The following ASIC2 variants were observed in gnomAD, a reference collection of about 807,000 sequenced individuals.
ASIC2 encodes the protein acid-sensing ion channel 2.
Under a neutral mutation model 57.3 loss-of-function variants are expected in ASIC2, and 25 were observed. That is an observed-to-expected ratio of 0.44 (90% confidence interval 0.32 to 0.61). The LOEUF is 0.61. Among genes scored for constraint, ASIC2 ranks in the 20% least tolerant of loss-of-function variants. The pLI is 0.06. For synonymous variants in ASIC2, 319 were observed against 307.5 expected (o/e 1.04, Z -0.39); for missense variants, 641 against 738.1 (o/e 0.87, Z 1.52).
intron 1 of ASIC2, among the ~76,000 whole-genome samples, chr17:33,144,859 T>C (rs1008534884): frequency 6.6e-6 from 1 of 152,146 alleles, no homozygotes; most frequent in Non-Finnish European, 1.5e-5. Context: ...GAAGATACTA[T>C]GGAAATCAGA....
intron 1 of ASIC2, among the ~76,000 whole-genome samples, chr17:34,064,359 C>G (rs780497181): frequency 3.3e-5 from 5 of 152,210 alleles, no homozygotes; most frequent in Non-Finnish European, 7.3e-5. Context: ...CATCTCTCAC[C>G]TTATACAAAA....
intron 1 of ASIC2, among the ~76,000 whole-genome samples, chr17:34,006,983 G>A (rs1476209713): frequency 6.6e-6 from 1 of 152,210 alleles, no homozygotes; most frequent in Non-Finnish European, 1.5e-5. Context: ...AGATGAACAA[G>A]CTGCCTAGAG....
At chr17:33,474,843 G>A (rs1201413119) in intron 1 of ASIC2, among the ~76,000 whole-genome samples, 2 of 152,186 alleles carry the variant, frequency 1.3e-5, no homozygotes, top group African/African-American at 4.8e-5. Context: ...ATGGTTGCGT[G>A]TGACCTTAGA....
At chr17:33,133,597 T>C (rs1190135633) in intron 1 of ASIC2, among the ~76,000 whole-genome samples, 1 of 152,186 alleles carries the variant, frequency 6.6e-6, no homozygotes, top group Non-Finnish European at 1.5e-5. Flanking sequence ...AAGGATTCGA[T>C]CTTAGATCTG....
chr17:34,037,507 C>T, intron 1 of ASIC2: 1 of 1,207,854 alleles, frequency 8.3e-7, no homozygotes. Flanking sequence ...AAAATAGAAG[C>T]ACCTGGTACA....
chr17:33,759,878 G>A (rs1406670693), intron 1 of ASIC2, among the ~76,000 whole-genome samples: 1 of 152,166 alleles, frequency 6.6e-6, no homozygotes. Flanking sequence ...AAAGCCTGGT[G>A]ACCCAGGCAG....
At chr17:33,088,567 A>AG (rs2092144664) in intron 3 of ASIC2, among the ~76,000 whole-genome samples, 1 of 152,064 alleles carries the variant, frequency 6.6e-6, no homozygotes, top group African/African-American at 2.4e-5. Context: ...CTGGCCAAAA[A>AG]AAAAAAATTT....
intron 1 of ASIC2, among the ~76,000 whole-genome samples, chr17:33,458,007 A>T (rs556633647): frequency 6.6e-6 from 1 of 152,248 alleles, no homozygotes; most frequent in South Asian, 2.1e-4. Flanking sequence ...AGAGGAACAA[A>T]GTGCTGTGGG....
chr17:33,474,638 C>T (rs1286604983), intron 1 of ASIC2, among the ~76,000 whole-genome samples: 1 of 152,154 alleles, frequency 6.6e-6, no homozygotes, highest in Non-Finnish European at 1.5e-5. Flanking sequence ...GGGAGCCTGA[C>T]TTTGCCCTTT....
At chr17:33,516,462 C>A (rs1421483923) in intron 1 of ASIC2, among the ~76,000 whole-genome samples, 1 of 151,476 alleles carries the variant, frequency 6.6e-6, no homozygotes, top group Admixed American at 6.6e-5. Context: ...GTTGTTGCTC[C>A]TTCAGTTACA....
chr17:33,837,639 G>A (rs1019095981), intron 1 of ASIC2, among the ~76,000 whole-genome samples: 3 of 152,154 alleles, frequency 2.0e-5, no homozygotes, highest in African/African-American at 7.2e-5. Flanking sequence ...TGGAGTGTGG[G>A]CATAGTAGTC....
rs1398820845 is a variant in ASIC2 at position 33,543,292 on chromosome 17, A to AAAACAAAACG, written c.556-431226_556-431225insCGTTTTGTTT. On this transcript the variant is annotated intron_variant, in intron 1 of 9. Transcript: ENST00000359872. ...CCTAAAACTTAAAGTATAATAAAAC[A>AAAACAAAACG]AAACAAAAACAAAAAAAACAAATCA... Among the ~76,000 whole-genome samples, 48 of 147,284 alleles carry AAAACAAAACG rather than the reference A, an allele frequency of 3.3e-4. No individual in the cohort carries two copies. The South Asian group carries it at 9.4e-3, about 29-fold the overall frequency.
At chr17:33,572,498 T>TC (rs1916483076) in intron 1 of ASIC2, among the ~76,000 whole-genome samples, 1 of 152,014 alleles carries the variant, frequency 6.6e-6, no homozygotes, top group African/African-American at 2.4e-5. Flanking sequence ...CCCATAGGCT[T>TC]CCCCAAGCAT....
At chr17:33,628,996 A>G (rs534551820) in intron 1 of ASIC2, among the ~76,000 whole-genome samples, 2 of 152,008 alleles carry the variant, frequency 1.3e-5, no homozygotes, top group Non-Finnish European at 2.9e-5. Flanking sequence ...TCCCCATCCA[A>G]AGTCCTCTCA....
At chr17:33,497,585 T>G (rs1383401546) in intron 1 of ASIC2, among the ~76,000 whole-genome samples, 1 of 152,186 alleles carries the variant, frequency 6.6e-6, no homozygotes, top group Non-Finnish European at 1.5e-5. Flanking sequence ...AGTTCTTATC[T>G]AAAATAATCC....
chr17:33,884,461 T>G (rs1914778544), intron 1 of ASIC2, among the ~76,000 whole-genome samples: 2 of 152,116 alleles, frequency 1.3e-5, no homozygotes, highest in African/African-American at 4.8e-5. Context: ...CTTTCCTTCT[T>G]TTTATCTGCT....
At chr17:33,205,019 A>C (rs1326704408) in intron 1 of ASIC2, among the ~76,000 whole-genome samples, 1 of 152,218 alleles carries the variant, frequency 6.6e-6, no homozygotes, top group East Asian at 1.9e-4. Flanking sequence ...TACTTAAGAA[A>C]GTTTGACTGG....
chr17:34,037,181 A>T (rs1044442057), intron 1 of ASIC2: 1 of 154,642 alleles, frequency 6.5e-6, no homozygotes, highest in Non-Finnish European at 1.4e-5. Flanking sequence ...GCTTTTCAGG[A>T]GATGTTACCT....
chr17:33,418,031 T>C, intron 1 of ASIC2, among the ~76,000 whole-genome samples: 1 of 21,674 alleles, frequency 4.6e-5, no homozygotes, highest in Non-Finnish European at 1.6e-4. Flanking sequence ...TGTATGTATG[T>C]GTGTGTGTGT....
Sources: allele counts gnomAD v4.1 joint callset (sites outside exome capture counted in the v4.1 genomes callset), GRCh38; gene constraint gnomAD v4.1.1; transcripts MANE v1.5; gene names NCBI Gene and HGNC (gene_info 2026-07-23, HGNC 2026-07-21).